EVC: variants seen among roughly 807,000 people sequenced by gnomAD.
EVC encodes evC complex member EVC.
In EVC, 116 loss-of-function variants were observed where a neutral mutation model predicts 118.9. The observed-to-expected ratio is 0.98, with a 90% confidence interval of 0.84 to 1.14. EVC has a LOEUF of 1.14. EVC is among the 50% of genes most tolerant of loss of function. The pLI, the probability that EVC is intolerant of heterozygous loss-of-function variation, is 0.00. For missense variants in EVC, 1,401 were observed against 1,246.4 expected (o/e 1.12, Z -1.87); for synonymous variants, 619 against 534.7 (o/e 1.16, Z -2.18).
At chr4:5,800,007 T>C (rs10024178) in intron 15 of EVC, among the ~76,000 whole-genome samples, 10,601 of 152,172 alleles carry the variant, frequency 0.07, 549 homozygotes, top group South Asian at 0.13. Flanking sequence ...TGAGTCAAGA[T>C]TGGAAAATGA....
chr4:5,828,716 A>C, the EVC span: 1 of 1,598,274 alleles, frequency 6.3e-7, no homozygotes, highest in Non-Finnish European at 8.6e-7. Flanking sequence ...CTCTGCCCCA[A>C]ACGAGCTGTT....
Position 5,731,685 on chromosome 4 carries a change from G to C in EVC, c.617+28G>C, listed in dbSNP as rs762344974. On this transcript the variant is annotated intron_variant, in intron 4 of 20. Transcript: ENST00000264956. This position sits in a 1 kb window ranked among gnomAD's most constrained non-coding sequence, Gnocchi z 5.6. ...AAGGAGAGCGGGCAATGGAGGATGAGGCTTCCAGTCCTCTTGGAGTGGGCC... is the reference window on the plus strand; with the variant it reads ...AAGGAGAGCGGGCAATGGAGGATGACGCTTCCAGTCCTCTTGGAGTGGGCC... 11 of 1,593,418 alleles carry C rather than the reference G, an allele frequency of 6.9e-6. No individual in the cohort carries two copies. The highest frequency in any genetic ancestry group is 9.4e-6 in the Non-Finnish European group (11 of 1,164,768).
chr4:5,732,242 A>G (rs73795030), intron 4 of EVC, among the ~76,000 whole-genome samples: 25,988 of 149,872 alleles, frequency 0.17, 2,989 homozygotes, highest in African/African-American at 0.33. Context: ...TGGGGGCTTA[A>G]GAAGCTCAGT....
At chr4:5,795,110 C>A (rs58609711) in intron 13 of EVC, among the ~76,000 whole-genome samples, 3 of 151,900 alleles carry the variant, frequency 2.0e-5, no homozygotes, top group African/African-American at 7.3e-5. Context: ...GTATATATAC[C>A]ATTTCTTTAT....
intron 11 of EVC, among the ~76,000 whole-genome samples, chr4:5,783,237 C>T (rs1165240147): frequency 6.6e-6 from 1 of 151,786 alleles, no homozygotes; most frequent in African/African-American, 2.4e-5. Flanking sequence ...TGCATGTGTT[C>T]CTGTGTGTGT....
chr4:5,739,400 A>T (rs917117667), intron 5 of EVC, among the ~76,000 whole-genome samples: 3 of 152,212 alleles, frequency 2.0e-5, no homozygotes, highest in Admixed American at 6.5e-5. Context: ...GCTCTGTCGC[A>T]TGTGGCTGTG....
intron 11 of EVC, among the ~76,000 whole-genome samples, chr4:5,761,568 G>C (rs1376770921): frequency 6.6e-6 from 1 of 151,918 alleles, no homozygotes; most frequent in Non-Finnish European, 1.5e-5. Context: ...ACTTTCGTTA[G>C]TGCCTAGTAA....
Position 5,798,946 on chromosome 4 carries a change from G to A in EVC, c.2304+154G>A, listed in dbSNP as rs1560428866. On this transcript the variant is annotated intron_variant, in intron 15 of 20. Transcript: ENST00000264956. The surrounding 1 kb of genome is among the most constrained non-coding windows in gnomAD (Gnocchi z 4.1). The stretch of plus-strand genomic sequence containing the variant: ...CATGACTTGATTTTCTCATCTGTAA[G>A]GTGGGATCTTCTCCCTCGCAGAATG... Among the ~76,000 whole-genome samples, 1 of 152,316 alleles carries A rather than the reference G, an allele frequency of 6.6e-6. No homozygotes were observed. The highest frequency in any genetic ancestry group is 1.9e-4 in the East Asian group (1 of 5,172).
At chr4:5,761,221 G>A (rs991676214) in intron 11 of EVC, among the ~76,000 whole-genome samples, 1 of 152,040 alleles carries the variant, frequency 6.6e-6, no homozygotes, top group African/African-American at 2.4e-5. Flanking sequence ...CTGGCACATG[G>A]TAGGTGCTCA....
chr4:5,760,244 G>A (rs557414633), intron 11 of EVC, among the ~76,000 whole-genome samples: 2 of 152,150 alleles, frequency 1.3e-5, no homozygotes, highest in Non-Finnish European at 2.9e-5. Context: ...CAGCCCCAGC[G>A]GGTGCTGGTA....
At position 5,729,387 on chromosome 4, in the gene EVC, C is replaced by T; in HGVS notation, c.381C>T (p.Phe127=). Residue 127 remains phenylalanine, a synonymous_variant, in exon 3 of 21, where the codon TTC becomes TTT. Coordinates refer to ENST00000264956, the MANE Select transcript of EVC (RefSeq NM_153717.3). ...AKVIYPINQK[F]RPLADGSSNP... is the part of the protein sequence containing the mutation. Reference sequence around the variant, plus strand: ...TCATCTACCCCATCAATCAGAAGTTCCGGGTGAGAGTCCTGAGCTCCATCA... The same window carrying T: ...TCATCTACCCCATCAATCAGAAGTTTCGGGTGAGAGTCCTGAGCTCCATCA... 6.2e-7 allele frequency: 1 copy of T among 1,613,976 alleles called. No individual in the cohort carries two copies. Among genetic ancestry groups the T allele is most frequent in the Non-Finnish European group, 8.5e-7 (1 of 1,179,912 alleles).
In EVC at chr4:5,756,233, C is replaced by T. The variant is rs201451901; in HGVS notation, c.1465-31C>T. On this transcript the variant is annotated intron_variant, in intron 10 of 20. Coordinates refer to ENST00000264956, the MANE Select transcript of EVC (RefSeq NM_153717.3). This position sits in a 1 kb window ranked among gnomAD's most constrained non-coding sequence, Gnocchi z 4.2. ...AAAAAAAAAAAAACCCTGCATGTTT[C>T]TACCAGACTCAGCTCTTGTTTTCCT... 6.1e-6 allele frequency: 9 copies of T among 1,476,642 alleles called. No homozygotes were observed. Among genetic ancestry groups the T allele is most frequent in the South Asian group, 1.2e-5 (1 of 84,862 alleles). The allele number at this position is 1,476,642 out of a possible 1,614,324, so 91.5% of individuals were successfully genotyped here. A position where few individuals can be genotyped will look rare whatever the true frequency, so the allele number is the denominator to read the frequency against.
At chr4:5,827,911 G>C in the EVC span, 11 of 493,220 alleles carry the variant, frequency 2.2e-5, no homozygotes, top group African/African-American at 4.2e-5. Flanking sequence ...GTTAGGAATA[G>C]AGCCTGCTCC....
At chr4:5,816,546 C>T (rs1717703556), downstream of EVC, among the ~76,000 whole-genome samples, 2 of 151,932 alleles carry the variant, frequency 1.3e-5, no homozygotes, top group East Asian at 1.9e-4. Flanking sequence ...TCTTGCCTCC[C>T]TCCCTCCTTT....
At chr4:5,716,474 C>A (rs1193657694) in intron 1 of EVC, among the ~76,000 whole-genome samples, 1 of 152,188 alleles carries the variant, frequency 6.6e-6, no homozygotes, top group Non-Finnish European at 1.5e-5. Flanking sequence ...TTCCTCTGGG[C>A]TCCCCAGGAA....
chr4:5,798,106 G>A lies in EVC; in HGVS notation c.2098-480G>A, dbSNP rs558836612. 4.9e-4 allele frequency among the ~76,000 whole-genome samples: 74 copies of A among 152,236 alleles called. No homozygotes were observed. Among genetic ancestry groups the A allele is most frequent in the African/African-American group, 1.7e-3 (70 of 41,552 alleles). On this transcript the variant is annotated intron_variant, in intron 14 of 20. Coordinates refer to ENST00000264956, the MANE Select transcript of EVC (RefSeq NM_153717.3). This position sits in a 1 kb window ranked among gnomAD's most constrained non-coding sequence, Gnocchi z 4.1. ...GACTCACGGACCTCGCTACAGCCCC[G>A]CTCACTTCTTTCTCTCTTATTTCTA...
intron 11 of EVC, among the ~76,000 whole-genome samples, chr4:5,761,724 T>C (rs947918526): frequency 1.3e-5 from 2 of 151,674 alleles, no homozygotes; most frequent in Non-Finnish European, 2.9e-5. Context: ...AGGGCGGGTT[T>C]CTGTTTAGTC....
At chr4:5,780,940 C>T (rs1735514964) in intron 11 of EVC, among the ~76,000 whole-genome samples, 1 of 152,216 alleles carries the variant, frequency 6.6e-6, no homozygotes, top group African/African-American at 2.4e-5. Context: ...ACACAGGATG[C>T]ACTTAATTCA....
intron 2 of EVC, among the ~76,000 whole-genome samples, chr4:5,729,068 C>A (rs760860857): frequency 3.9e-5 from 6 of 152,086 alleles, no homozygotes; most frequent in Middle Eastern, 3.2e-3. Flanking sequence ...ACCTGTCTAT[C>A]CATCTGCCCA....
Sources: gnomAD v4.1 joint callset for allele counts (sites outside exome capture counted in the v4.1 genomes callset) on GRCh38, gnomAD v4.1.1 for gene constraint, Gnocchi (gnomAD v3.1) non-coding constraint, MANE v1.5 for transcripts, NCBI Gene and HGNC (gene_info 2026-07-23, HGNC 2026-07-21) for gene names.